Variants in GPM6A observed in about 807,000 individuals in gnomAD.
The protein encoded by GPM6A is neuronal membrane glycoprotein M6-a.
GPM6A carries 7 observed loss-of-function variants against 32.1 expected under a neutral mutation model. The ratio of observed to expected loss-of-function variants is 0.22; its 90% CI spans 0.12 to 0.41. GPM6A has a LOEUF of 0.41. GPM6A is among the 10% of genes least tolerant of loss of function. The pLI, the probability that GPM6A is intolerant of heterozygous loss-of-function variation, is 1.00. For synonymous variants in GPM6A, 130 were observed against 123.4 expected (o/e 1.05, Z -0.35); for missense variants, 235 against 347.2 (o/e 0.68, Z 2.57).
chr4:175,992,289 T>C (rs1017931217), intron 1 of GPM6A, among the ~76,000 whole-genome samples: 6 of 152,162 alleles, frequency 3.9e-5, no homozygotes, highest in Non-Finnish European at 8.8e-5. Flanking sequence ...ATTTATTTTG[T>C]TTCCATTTTT....
At chr4:175,877,941 C>T (rs953045893) in intron 1 of GPM6A, among the ~76,000 whole-genome samples, 2 of 152,156 alleles carry the variant, frequency 1.3e-5, no homozygotes, top group African/African-American at 4.8e-5. Context: ...GGTAAAGGCA[C>T]TGGTAAAAAC....
At position 175,803,968 on chromosome 4, in the gene GPM6A, GTT is replaced by G. The variant is rs147818827; in HGVS notation, c.37+8221_37+8222del. Among the ~76,000 whole-genome samples, 86 of 147,416 alleles carry G rather than the reference GTT, an allele frequency of 5.8e-4. No individual in the cohort carries two copies. In the Middle Eastern group the frequency reaches 0.014, roughly 24 times the overall value. ...AAAGCATTCTTTTCACTGTAAAATGGTTTTTTTTTTTAACTTGATGAAAAACT... is the reference window on the plus strand; with the variant it reads ...AAAGCATTCTTTTCACTGTAAAATGGTTTTTTTTTAACTTGATGAAAAACT... On this transcript the variant is annotated intron_variant, in intron 1 of 6. Coordinates refer to ENST00000393658, the MANE Select transcript of GPM6A (RefSeq NM_201591.3).
chr4:175,664,279 C>T (rs1020712791), intron 3 of GPM6A, among the ~76,000 whole-genome samples: 2 of 152,060 alleles, frequency 1.3e-5, no homozygotes, highest in African/African-American at 2.4e-5. Flanking sequence ...CAACATTATA[C>T]GTTTGTCCAA....
At chr4:175,636,260 GTATATATATA>G (rs34516159) in intron 6 of GPM6A, among the ~76,000 whole-genome samples, 23,039 of 101,372 alleles carry the variant, frequency 0.23, 2,581 homozygotes, top group East Asian at 0.49. Context: ...CATAATCACT[GTATATATATA>G]TATATATATA....
intron 1 of GPM6A, among the ~76,000 whole-genome samples, chr4:175,948,007 C>T (rs1739666709): frequency 6.6e-6 from 1 of 151,248 alleles, no homozygotes; most frequent in Non-Finnish European, 1.5e-5. Flanking sequence ...TATATGCCAA[C>T]ATAGCACCTA....
At chr4:175,645,369 A>T (rs1187152462) in intron 4 of GPM6A, among the ~76,000 whole-genome samples, 1 of 152,168 alleles carries the variant, frequency 6.6e-6, no homozygotes, top group Non-Finnish European at 1.5e-5. Context: ...AGGCAATAAA[A>T]ACCTTTGGTG....
chr4:175,756,929 G>A (rs1732550261), intron 1 of GPM6A, among the ~76,000 whole-genome samples: 1 of 152,046 alleles, frequency 6.6e-6, no homozygotes, highest in Non-Finnish European at 1.5e-5. Context: ...TATGAAGAAA[G>A]AGGAGCTAGG....
intron 1 of GPM6A, among the ~76,000 whole-genome samples, chr4:175,938,359 A>G (rs1030011243): frequency 3.9e-5 from 6 of 152,052 alleles, no homozygotes; most frequent in African/African-American, 1.2e-4. Context: ...AATTAATTAC[A>G]CTCCCACCAA....
At chr4:175,913,104 T>C (rs1455666351) in intron 1 of GPM6A, among the ~76,000 whole-genome samples, 3 of 152,228 alleles carry the variant, frequency 2.0e-5, no homozygotes, top group Non-Finnish European at 4.4e-5. Flanking sequence ...ACATATGTCA[T>C]TGCAAATAAG....
At chr4:175,969,709 C>G (rs562778249) in intron 1 of GPM6A, among the ~76,000 whole-genome samples, 1 of 151,928 alleles carries the variant, frequency 6.6e-6, no homozygotes, top group Non-Finnish European at 1.5e-5. Context: ...AAACTCTGCT[C>G]AAATAATAAG....
intron 1 of GPM6A, among the ~76,000 whole-genome samples, chr4:175,842,680 A>G (rs1735976621): frequency 6.6e-6 from 1 of 152,176 alleles, no homozygotes; most frequent in African/African-American, 2.4e-5. Flanking sequence ...AGCGTGAGTG[A>G]TTGAGTGAGA....
chr4:175,994,303 T>C (rs2126465872), intron 1 of GPM6A, among the ~76,000 whole-genome samples: 1 of 152,246 alleles, frequency 6.6e-6, no homozygotes, highest in African/African-American at 2.4e-5. Context: ...AGAAATGTAA[T>C]AGTAATTCCA....
At chr4:175,732,882 GA>G in intron 1 of GPM6A, among the ~76,000 whole-genome samples, 1 of 152,254 alleles carries the variant, frequency 6.6e-6, no homozygotes, top group East Asian at 1.9e-4. Flanking sequence ...TATTAGGCAA[GA>G]ATTTCTGTGT....
At chr4:175,915,130 T>C (rs1425781513) in intron 1 of GPM6A, among the ~76,000 whole-genome samples, 3 of 152,138 alleles carry the variant, frequency 2.0e-5, no homozygotes, top group South Asian at 2.1e-4. Flanking sequence ...ATGCAAGTTA[T>C]GAAAATCAAA....
intron 1 of GPM6A, among the ~76,000 whole-genome samples, chr4:175,762,790 G>A (rs1487912661): frequency 6.6e-6 from 1 of 152,130 alleles, no homozygotes; most frequent in Non-Finnish European, 1.5e-5. Flanking sequence ...AACCCCCAGG[G>A]TGAGTGTCTA....
At chr4:175,997,704 A>G (rs190644653) in intron 1 of GPM6A, among the ~76,000 whole-genome samples, 4 of 152,332 alleles carry the variant, frequency 2.6e-5, no homozygotes, top group African/African-American at 9.6e-5. Context: ...AGCTCAAGAC[A>G]ATACTGTGTG....
intron 1 of GPM6A, chr4:175,805,899 G>A (rs1002875366): frequency 6.6e-6 from 1 of 151,978 alleles, no homozygotes; most frequent in African/African-American, 2.4e-5. Context: ...GTTATCTTCT[G>A]TTTTTCTTTC....
intron 1 of GPM6A, among the ~76,000 whole-genome samples, chr4:175,929,464 G>A (rs1473396394): frequency 6.6e-6 from 1 of 152,176 alleles, no homozygotes; most frequent in Non-Finnish European, 1.5e-5. Flanking sequence ...GTAAAACAAA[G>A]ATAAACTCAG....
upstream of GPM6A, chr4:175,812,530 A>G: frequency 9.2e-7 from 1 of 1,082,814 alleles, no homozygotes; most frequent in Non-Finnish European, 1.1e-6. Flanking sequence ...ATTCAAACAA[A>G]TAGCCTGAGA....
Sources: allele counts gnomAD v4.1 joint callset (sites outside exome capture counted in the v4.1 genomes callset), GRCh38; gene constraint gnomAD v4.1.1; transcripts MANE v1.5; gene names NCBI Gene and HGNC (gene_info 2026-07-23, HGNC 2026-07-21).